SH3GL2: variants seen among roughly 807,000 people sequenced by gnomAD.
The protein encoded by SH3GL2 is SH3 domain containing GRB2 like 2, endophilin A1, also known as endophilin-A1.
Under a neutral mutation model 46.0 loss-of-function variants are expected in SH3GL2, and 24 were observed. That is an observed-to-expected ratio of 0.52 (90% CI 0.38 to 0.73). The LOEUF (loss-of-function observed/expected upper bound fraction) is 0.73, where lower values mean the gene tolerates loss of function less well. Ranked by LOEUF, SH3GL2 falls within the 30% of genes least tolerant of loss-of-function variation. The probability of loss-of-function intolerance (pLI) is 0.00; values close to 1 mark genes in which losing one functional copy is unlikely to be tolerated. For synonymous variants in SH3GL2, 196 were observed against 147.1 expected, an observed-to-expected ratio of 1.33 and a Z score of -2.40; for missense variants, 413 against 424.2, an observed-to-expected ratio of 0.97 and a Z score of 0.23.
At chr9:17,596,034 C>T (rs1440461965) in intron 1 of SH3GL2, among the ~76,000 whole-genome samples, 1 of 151,980 alleles carries the variant, frequency 6.6e-6, no homozygotes, top group Non-Finnish European at 1.5e-5. Flanking sequence ...ACTTGTAACC[C>T]CACTTTCTCA....
At chr9:17,781,676 C>T (rs151262424) in intron 3 of SH3GL2, among the ~76,000 whole-genome samples, 2 of 152,094 alleles carry the variant, frequency 1.3e-5, no homozygotes, top group African/African-American at 4.8e-5. Flanking sequence ...CTCCTACCAG[C>T]AGTATTTGAG....
chr9:17,747,603 A>G (rs962269669), intron 2 of SH3GL2, among the ~76,000 whole-genome samples: 1 of 151,580 alleles, frequency 6.6e-6, no homozygotes, highest in African/African-American at 2.4e-5. Context: ...CTTGGCCCAA[A>G]CTCCCCTTCC....
intron 1 of SH3GL2, among the ~76,000 whole-genome samples, chr9:17,694,012 A>G (rs901839530): frequency 1.6e-4 from 25 of 152,196 alleles, no homozygotes; most frequent in African/African-American, 5.8e-4. Flanking sequence ...TCCATGCCTA[A>G]TAATATTTTT....
In SH3GL2 at chr9:17,661,162, A is replaced by AAAAAAC. The variant is rs371914531; in HGVS notation, c.45+81898_45+81903dup. Among the ~76,000 whole-genome samples, 853 of 152,262 alleles carry AAAAAAC rather than the reference A, an allele frequency of 5.6e-3. 10 individuals are homozygous for AAAAAAC. The highest frequency in any genetic ancestry group is 0.019 in the African/African-American group (808 of 41,540). On this transcript the variant is annotated intron_variant, in intron 1 of 8. Transcript: ENST00000380607. Reference sequence around the variant, plus strand: ...GGGCAACAGAGTAAGACTCCGTCTCAAAAAACAAAAACAAAAACAAAAACA... The same window carrying AAAAAAC: ...GGGCAACAGAGTAAGACTCCGTCTCAAAAAACAAAAACAAAAACAAAAACAAAAACA...
chr9:17,712,461 G>A (rs1443549476), intron 1 of SH3GL2, among the ~76,000 whole-genome samples: 2 of 151,736 alleles, frequency 1.3e-5, no homozygotes, highest in Non-Finnish European at 3.0e-5. Flanking sequence ...GTAGACCTGT[G>A]ATCAGTTTGT....
intron 1 of SH3GL2, among the ~76,000 whole-genome samples, chr9:17,726,222 G>A (rs1171272622): frequency 3.3e-5 from 5 of 152,062 alleles, no homozygotes; most frequent in African/African-American, 7.2e-5. Context: ...CCTTCTTGGC[G>A]TGGTTTTTTA....
intron 1 of SH3GL2, among the ~76,000 whole-genome samples, chr9:17,600,906 A>G (rs1350104146): frequency 6.6e-6 from 1 of 152,220 alleles, no homozygotes; most frequent in Non-Finnish European, 1.5e-5. Context: ...TAGAGTTTAG[A>G]ATATGGCAAC....
chr9:17,782,926 G>A (rs920447309), intron 3 of SH3GL2, among the ~76,000 whole-genome samples: 29 of 151,980 alleles, frequency 1.9e-4, no homozygotes, highest in African/African-American at 6.0e-4. Context: ...CAAATCTTGC[G>A]CAACCTCACT....
intron 1 of SH3GL2, among the ~76,000 whole-genome samples, chr9:17,721,670 A>T (rs965919936): frequency 6.6e-6 from 1 of 152,066 alleles, no homozygotes; most frequent in African/African-American, 2.4e-5. Flanking sequence ...CTTACCATAC[A>T]TGTTCCTCAC....
intron 1 of SH3GL2, among the ~76,000 whole-genome samples, chr9:17,679,694 C>G (rs183086209): frequency 1.3e-5 from 2 of 152,162 alleles, no homozygotes; most frequent in Non-Finnish European, 2.9e-5. Context: ...AGAGGGCATC[C>G]TTGTCTTGTG....
chr9:17,751,256 T>C (rs1822834633), intron 2 of SH3GL2, among the ~76,000 whole-genome samples: 1 of 152,154 alleles, frequency 6.6e-6, no homozygotes, highest in Admixed American at 6.6e-5. Context: ...GAGAGGATTA[T>C]TGGCAGATTC....
intron 1 of SH3GL2, among the ~76,000 whole-genome samples, chr9:17,615,779 T>A (rs1818980002): frequency 6.6e-6 from 1 of 150,864 alleles, no homozygotes; most frequent in South Asian, 2.1e-4. Context: ...TTCATTAACA[T>A]AATTCTGTAT....
intron 1 of SH3GL2, among the ~76,000 whole-genome samples, chr9:17,707,357 T>C (rs567829011): frequency 6.6e-6 from 1 of 152,170 alleles, no homozygotes; most frequent in South Asian, 2.1e-4. Flanking sequence ...TCTCACTAGC[T>C]ATCTTCTAGG....
chr9:17,579,247 C>T lies in SH3GL2; in HGVS notation c.5C>T (p.Ser2Leu), dbSNP rs1818226836. 2 of 1,562,834 alleles carry T rather than the reference C, an allele frequency of 1.3e-6. No individual in the cohort carries two copies. The highest frequency in any genetic ancestry group is 1.8e-5 in the Admixed American group (1 of 55,344). The change falls in exon 1 of 9, where the codon TCG becomes TTG. Residue 2 changes from serine to leucine, a missense_variant. Ser to Leu is a moderately radical substitution (Grantham distance 145). This residue lies in a region of SH3GL2 where 160 missense variants were observed against 192.3 expected (regional missense o/e 0.83). Transcript: ENST00000380607. M[S>L]VAGLKKQFHK... ...GCCAGCGCGGCCTCCTGCACCATGT[C>T]GGTGGCCGGCCTCAAGAAGCAGTTC...
chr9:17,748,928 GA>G (rs199940352), intron 2 of SH3GL2, among the ~76,000 whole-genome samples: 3 of 151,360 alleles, frequency 2.0e-5, no homozygotes, highest in African/African-American at 7.3e-5. Context: ...TTGAGTTCCT[GA>G]AAAAAAAAGA....
intron 3 of SH3GL2, among the ~76,000 whole-genome samples, chr9:17,784,835 C>T (rs957166644): frequency 1.3e-5 from 2 of 152,192 alleles, no homozygotes; most frequent in African/African-American, 4.8e-5. Flanking sequence ...ACGTCAGCTT[C>T]CCTAGTAATT....
chr9:17,687,243 G>C (rs1256656530), intron 1 of SH3GL2, among the ~76,000 whole-genome samples: 1 of 151,916 alleles, frequency 6.6e-6, no homozygotes, highest in Non-Finnish European at 1.5e-5. Context: ...TTTCACTTAA[G>C]CAGTTACGTT....
chr9:17,607,540 A>G (rs146088073), intron 1 of SH3GL2, among the ~76,000 whole-genome samples: 1 of 152,300 alleles, frequency 6.6e-6, no homozygotes, highest in Non-Finnish European at 1.5e-5. Flanking sequence ...GACTACCATC[A>G]TGTATTTGAG....
intron 1 of SH3GL2, among the ~76,000 whole-genome samples, chr9:17,679,496 T>C (rs1433234480): frequency 2.6e-5 from 4 of 152,196 alleles, no homozygotes; most frequent in African/African-American, 9.7e-5. Flanking sequence ...GAGACTTTGC[T>C]GAACTTGCTT....
Sources: allele counts gnomAD v4.1 joint callset (sites outside exome capture counted in the v4.1 genomes callset), GRCh38; gene constraint gnomAD v4.1.1; regional missense constraint gnomAD v4.1.1; transcripts MANE v1.5; gene names NCBI Gene and HGNC (gene_info 2026-07-23, HGNC 2026-07-21).